The following ZNF740 variants were observed in gnomAD, a reference collection of about 807,000 sequenced individuals.
ZNF740 encodes oriLyt TD-element-binding protein 7.
ZNF740 carries 14 observed loss-of-function variants against 24.8 expected under a neutral mutation model. The observed-to-expected ratio is 0.56, with a 90% CI of 0.37 to 0.88. The LOEUF (loss-of-function observed/expected upper bound fraction) is 0.88. Among genes scored for constraint, ZNF740 ranks in the 40% least tolerant of loss-of-function variants. The pLI is 0.00. For synonymous variants in ZNF740, 69 were observed against 84.0 expected, an observed-to-expected ratio of 0.82 and a Z score of 0.98; for missense variants, 201 against 247.9, an observed-to-expected ratio of 0.81 and a Z score of 1.27.
chr12:53,184,779 C>T, intron 2 of ZNF740, 112 bp from the exon 3 acceptor site: 1 of 1,299,366 alleles, frequency 7.7e-7, no homozygotes, highest in Non-Finnish European at 1.1e-6. Context: ...GGGACATTCC[C>T]TGGAGAGAAG....
intron 1 of ZNF740, 175 bp from the exon 2 acceptor site, chr12:53,181,502 C>T (rs951662547): frequency 5.1e-6 from 5 of 985,258 alleles, no homozygotes; most frequent in Middle Eastern, 5.2e-4. Context: ...TTGGCTTCCA[C>T]TCCTTGCCCA....
intron 2 of ZNF740, among the ~76,000 whole-genome samples, chr12:53,183,593 T>C (rs1012982583): frequency 2.0e-4 from 31 of 152,152 alleles, no homozygotes; most frequent in African/African-American, 7.5e-4. Context: ...CATACCTTAC[T>C]TAAGTAATTG....
chr12:53,193,248 T>G lies in ZNF740; in HGVS notation c.*5658T>G. 1 of 1,614,114 alleles carries G rather than the reference T, an allele frequency of 6.2e-7. No homozygotes were observed. The highest frequency in any genetic ancestry group is 8.5e-7 in the Non-Finnish European group (1 of 1,179,986). On this transcript the variant is annotated 3_prime_UTR_variant, in exon 7 of 7. Coordinates refer to ENST00000416904, the MANE Select transcript of ZNF740 (RefSeq NM_001004304.4). ...CAGCGTCCACATTGACAGTGACCCT[T>G]TCCACTGCACAGGGGCCCTGTGCCA...
rs1941874738 is a variant in ZNF740 at position 53,188,861 on chromosome 12, C to G, written c.*1271C>G. The stretch of plus-strand genomic sequence containing the variant: ...CTCCTCTCTGCTCCAATACCACCAC[C>G]TTGTCCACTCCCAAAAAAGTAATCG... On this transcript the variant is annotated 3_prime_UTR_variant, in exon 7 of 7. Coordinates refer to ENST00000416904, the MANE Select transcript of ZNF740 (RefSeq NM_001004304.4). 6.6e-6 allele frequency: 1 copy of G among 152,058 alleles called. No individual in the cohort carries two copies. Among genetic ancestry groups the G allele is most frequent in the Non-Finnish European group, 1.5e-5 (1 of 68,030 alleles). The allele number at this position is 152,058 out of a possible 1,614,324, so 9.4% of individuals were successfully genotyped here.
At position 53,191,399 on chromosome 12, in the gene ZNF740, C is replaced by T. The variant is rs561169980; in HGVS notation, c.*3809C>T. The T allele has an allele frequency of 7.5e-6, 5 of 668,506 alleles. No individual in the cohort carries two copies. The highest frequency in any genetic ancestry group is 5.4e-5 in the East Asian group (2 of 37,122). The allele number at this position is 668,506 out of a possible 1,614,324, so 41.4% of individuals were successfully genotyped here. A position where few individuals can be genotyped will look rare whatever the true frequency, so the allele number is the denominator to read the frequency against. On this transcript the variant is annotated 3_prime_UTR_variant, in exon 7 of 7. Transcript: ENST00000416904. ...AAGGTTGCAGGCATGGGAAGCAGCCCTCTTGGGTGTCACTCTGAAAATGAA... is the reference window on the plus strand; with the variant it reads ...AAGGTTGCAGGCATGGGAAGCAGCCTTCTTGGGTGTCACTCTGAAAATGAA...
intron 2 of ZNF740, among the ~76,000 whole-genome samples, chr12:53,184,202 A>AGT (rs1171526198): frequency 9.2e-6 from 1 of 108,260 alleles, no homozygotes; most frequent in Non-Finnish European, 1.7e-5. Flanking sequence ...TGTGTGTGTG[A>AGT]GTGACGGAGG....
intron 6 of ZNF740, 109 bp from the exon 7 acceptor site, chr12:53,187,392 G>C: frequency 1.2e-6 from 1 of 867,596 alleles, no homozygotes; most frequent in East Asian, 2.7e-5. Context: ...GTCTGTGCAC[G>C]TGCTGAGGGG....
Position 53,181,798 on chromosome 12 carries a change from C to A in ZNF740, c.-186C>A, listed in dbSNP as rs984138360. 1 of 722,704 alleles carries A rather than the reference C, an allele frequency of 1.4e-6. No homozygotes were observed. Among genetic ancestry groups the A allele is most frequent in the African/African-American group, 1.8e-5 (1 of 55,468 alleles). The allele number at this position is 722,704 out of a possible 1,614,324, so 44.8% of individuals were successfully genotyped here. On this transcript the variant is annotated 5_prime_UTR_variant, in exon 2 of 7. Coordinates refer to ENST00000416904, the MANE Select transcript of ZNF740 (RefSeq NM_001004304.4). The stretch of plus-strand genomic sequence containing the variant: ...GCAGAGTCCAGGGATTCTTGGAACA[C>A]CTATCTTTTCTTCGGAGGACACTAA...
Position 53,180,823 on chromosome 12 carries a change from G to C in ZNF740, c.-322G>C, listed in dbSNP as rs187048132. 127 of 1,271,850 alleles carry C rather than the reference G, an allele frequency of 1.0e-4. 2 individuals are homozygous for C. In the East Asian group the frequency reaches 8.0e-3, roughly 80 times the overall value. The allele number at this position is 1,271,850 out of a possible 1,614,324, so 78.8% of individuals were successfully genotyped here. On this transcript the variant is annotated 5_prime_UTR_variant, in exon 1 of 7. Transcript: ENST00000416904. Reference sequence around the variant, plus strand: ...CCGCGCGGCCAGGGAGCCAGCGGGAGGCCGCGCCTGGCAGGTAGGAGCAAG... The same window carrying C: ...CCGCGCGGCCAGGGAGCCAGCGGGACGCCGCGCCTGGCAGGTAGGAGCAAG...
rs1193097339 is a variant in ZNF740 at position 53,191,409 on chromosome 12, T to C, written c.*3819T>C. ...GCATGGGAAGCAGCCCTCTTGGGTG[T>C]CACTCTGAAAATGAAGTAGGGTGGT... On this transcript the variant is annotated 3_prime_UTR_variant, in exon 7 of 7. Transcript: ENST00000416904. The C allele has an allele frequency of 2.9e-6, 2 of 690,572 alleles. No individual in the cohort carries two copies. Among genetic ancestry groups the C allele is most frequent in the Non-Finnish European group, 5.2e-6 (2 of 383,438 alleles). The allele number at this position is 690,572 out of a possible 1,614,324, so 42.8% of individuals were successfully genotyped here.
chr12:53,187,630 C>G lies in ZNF740; in HGVS notation c.*40C>G, dbSNP rs773728595. 1.3e-6 allele frequency: 2 copies of G among 1,536,480 alleles called. No homozygotes were observed. The highest frequency in any genetic ancestry group is 1.8e-6 in the Non-Finnish European group (2 of 1,111,462). ...GGGTGGTGGGAGTGATCAGAAGAAC[C>G]TGCCGAAGAGCACACCCCCTCTGGT... On this transcript the variant is annotated 3_prime_UTR_variant, in exon 7 of 7. Transcript: ENST00000416904.
intron 4 of ZNF740, among the ~76,000 whole-genome samples, 160 bp from the exon 5 acceptor site, chr12:53,185,794 A>G (rs1481262892): frequency 6.6e-6 from 1 of 152,170 alleles, no homozygotes; most frequent in Non-Finnish European, 1.5e-5. Flanking sequence ...TCCTTCCCCA[A>G]AGGGTCTCTT....
rs779333736 is a variant in ZNF740 at position 53,194,248 on chromosome 12, C to T, written c.*6658C>T. On this transcript the variant is annotated 3_prime_UTR_variant, in exon 7 of 7. Transcript: ENST00000416904. The stretch of plus-strand genomic sequence containing the variant: ...CACTGTCCTCGATCCTCAGCCTTAC[C>T]CTCCCTCTTCTCAGGACCCTCACAC... 5.0e-6 allele frequency: 8 copies of T among 1,613,952 alleles called. 1 individual carries two copies. In the South Asian group the frequency reaches 5.5e-5, roughly 11 times the overall value.
At position 53,193,984 on chromosome 12, in the gene ZNF740, C is replaced by T; in HGVS notation, c.*6394C>T. ...ACTCACCAATCATCCAGAACCTCAC[C>T]CCTTAGTAAATGAAGGGATGGGGTC... On this transcript the variant is annotated 3_prime_UTR_variant, in exon 7 of 7. Coordinates refer to ENST00000416904, the MANE Select transcript of ZNF740 (RefSeq NM_001004304.4). 1 of 1,405,492 alleles carries T rather than the reference C, an allele frequency of 7.1e-7. No homozygotes were observed. The highest frequency in any genetic ancestry group is 1.4e-5 in the African/African-American group (1 of 70,306). The allele number at this position is 1,405,492 out of a possible 1,614,324, so 87.1% of individuals were successfully genotyped here. A position where few individuals can be genotyped will look rare whatever the true frequency, so the allele number is the denominator to read the frequency against.
At position 53,184,152 on chromosome 12, in the gene ZNF740, C is replaced by CGCGCGCGCGCGT. The variant is rs1278887396; in HGVS notation, c.10-729_10-728insGTGCGCGCGCGC. Among the ~76,000 whole-genome samples the CGCGCGCGCGCGT allele has an allele frequency of 1.4e-4, 6 of 42,320 alleles. 1 individual carries two copies. The highest frequency in any genetic ancestry group is 5.2e-4 in the African/African-American group (6 of 11,606). The allele number at this position is 42,320 out of a possible 152,430, so 27.8% of individuals were successfully genotyped here. A position where few individuals can be genotyped will look rare whatever the true frequency, so the allele number is the denominator to read the frequency against. ...GTGTGTGTGTGTGTGTGTGTGTGTG[C>CGCGCGCGCGCGT]GCGCGCGCGCTCTGAAGCTAAGGGG... On this transcript the variant is annotated intron_variant, in intron 2 of 6. Transcript: ENST00000416904.
At chr12:53,185,914 G>A in intron 4 of ZNF740, 40 bp from the exon 5 acceptor site, 1 of 1,608,270 alleles carries the variant, frequency 6.2e-7, no homozygotes, top group Non-Finnish European at 8.5e-7. Context: ...CAGGAAGAGG[G>A]CAGTGGTGGC....
chr12:53,193,333 A>T lies in ZNF740; in HGVS notation c.*5743A>T, dbSNP rs1278612075. ...AGGACAGCTCTGCCACAGAGCACTC[A>T]CAGAGCCGACCTAGGCGGCCAGGGG... is the stretch of plus-strand genomic sequence containing the variant. On this transcript the variant is annotated 3_prime_UTR_variant, in exon 7 of 7. Transcript: ENST00000416904. 4 of 1,601,114 alleles carry T rather than the reference A, an allele frequency of 2.5e-6. No homozygotes were observed. The Admixed American group carries it at 5.1e-5, about 20-fold the overall frequency.
chr12:53,184,117 GTGTGTGTGTGT>G lies in ZNF740; in HGVS notation c.10-773_10-763del, dbSNP rs773549382. 1.4e-3 allele frequency among the ~76,000 whole-genome samples: 148 copies of G among 103,932 alleles called. 1 individual carries two copies. The highest frequency in any genetic ancestry group is 9.4e-3 in the Middle Eastern group (2 of 212). The allele number at this position is 103,932 out of a possible 152,430, so 68.2% of individuals were successfully genotyped here. ...AAAGTGGGCTCTGAAGCTAAGGGGT[GTGTGTGTGTGT>G]GTGTGTGTGTGTGTGTGTGTGTGCG... On this transcript the variant is annotated intron_variant, in intron 2 of 6. Transcript: ENST00000416904.
chr12:53,186,485 T>G lies in ZNF740; in HGVS notation c.468T>G (p.Pro156=), dbSNP rs1294893400. ...RHKRVHSGEK[P]YQCERCHQCF... ...AGCGTGTGCACAGTGGTGAAAAGCCTTACCAGTGTGAACGGTGTCATCAGG... is the reference window on the plus strand; with the variant it reads ...AGCGTGTGCACAGTGGTGAAAAGCCGTACCAGTGTGAACGGTGTCATCAGG... Residue 156 remains proline (P), a synonymous_variant, in exon 6 of 7, where the codon CCT becomes CCG. Coordinates refer to ENST00000416904, the MANE Select transcript of ZNF740 (RefSeq NM_001004304.4). 1.3e-6 allele frequency: 2 copies of G among 1,581,274 alleles called. No homozygotes were observed. The highest frequency in any genetic ancestry group is 4.6e-5 in the East Asian group (2 of 43,482).
Sources: allele counts gnomAD v4.1 joint callset (sites outside exome capture counted in the v4.1 genomes callset), GRCh38; gene constraint gnomAD v4.1.1; transcripts MANE v1.5; gene names NCBI Gene and HGNC (gene_info 2026-07-23, HGNC 2026-07-21).